IKZF3: variants seen among roughly 807,000 people sequenced by gnomAD.
IKZF3 encodes the protein zinc finger protein Aiolos.
In IKZF3, 10 loss-of-function variants were observed where a neutral mutation model predicts 49.0. The observed-to-expected ratio is 0.20, with a 90% CI of 0.13 to 0.35. The LOEUF (loss-of-function observed/expected upper bound fraction) is 0.35, where lower values mean the gene tolerates loss of function less well. Ranked by LOEUF, IKZF3 falls within the 10% of genes least tolerant of loss-of-function variation. The probability of loss-of-function intolerance (pLI) is 1.00; values close to 1 mark genes in which losing one functional copy is unlikely to be tolerated. For synonymous variants in IKZF3, 209 were observed against 228.2 expected (o/e 0.92, Z 0.76); for missense variants, 498 against 664.8 (o/e 0.75, Z 2.76).
intron 1 of IKZF3, among the ~76,000 whole-genome samples, chr17:39,834,087 G>C (rs952330886): frequency 1.3e-5 from 2 of 152,106 alleles, no homozygotes. Flanking sequence ...CAGGTATTTT[G>C]TAGAATGTCC....
intron 6 of IKZF3, among the ~76,000 whole-genome samples, chr17:39,779,185 G>A (rs1176400853): frequency 1.3e-5 from 2 of 152,218 alleles, no homozygotes. Context: ...AGAAGGCCAG[G>A]CACGGTGGCT....
At chr17:39,783,557 C>T (rs922698362) in intron 6 of IKZF3, among the ~76,000 whole-genome samples, 3 of 152,098 alleles carry the variant, frequency 2.0e-5, no homozygotes, top group East Asian at 1.9e-4. Context: ...CCTGACCTCG[C>T]GATCCGCCCA....
At chr17:39,839,220 A>C (rs1325832447) in intron 1 of IKZF3, 1 of 251,104 alleles carries the variant, frequency 4.0e-6, no homozygotes, top group Non-Finnish European at 7.6e-6. Context: ...GTCAACCAAC[A>C]CGTTCATAAG....
chr17:39,860,982 G>A (rs1040131360), intron 1 of IKZF3, among the ~76,000 whole-genome samples: 1 of 152,020 alleles, frequency 6.6e-6, no homozygotes, highest in Non-Finnish European at 1.5e-5. Context: ...AAAAATTACT[G>A]AGCTTTATCA....
intron 3 of IKZF3, among the ~76,000 whole-genome samples, chr17:39,800,208 T>G (rs767289546): frequency 1.5e-4 from 23 of 152,236 alleles, no homozygotes; most frequent in Non-Finnish European, 3.1e-4. Context: ...AATTCTAATC[T>G]TCTTATAATA....
At chr17:39,804,883 T>C (rs1158890546) in intron 3 of IKZF3, among the ~76,000 whole-genome samples, 1 of 152,214 alleles carries the variant, frequency 6.6e-6, no homozygotes, top group Non-Finnish European at 1.5e-5. Context: ...CTTGAAACTT[T>C]TGCCTTTTCA....
Position 39,759,588 on chromosome 17 carries a change from T to A in IKZF3, c.*6202A>T, listed in dbSNP as rs1423229861. ...CTCTCAGAAGTTTAAAGCCCACAAT[T>A]GTCCTTCAGGCTCTTCTGAGTCCAT... On this transcript the variant is annotated 3_prime_UTR_variant, in exon 8 of 8. Transcript: ENST00000346872. 1 of 152,222 alleles carries A rather than the reference T, an allele frequency of 6.6e-6. No individual in the cohort carries two copies. Among genetic ancestry groups the A allele is most frequent in the African/African-American group, 2.4e-5 (1 of 41,438 alleles). 9.4% of individuals were successfully genotyped at this position (152,222 alleles called of 1,614,324 possible).
chr17:39,776,945 G>A (rs1449399947), intron 7 of IKZF3, among the ~76,000 whole-genome samples: 1 of 152,180 alleles, frequency 6.6e-6, no homozygotes, highest in African/African-American at 2.4e-5. Context: ...AATTTCAGCT[G>A]TCTACTTCAC....
At chr17:39,845,356 TA>T (rs571656239) in intron 1 of IKZF3, among the ~76,000 whole-genome samples, 1 of 151,152 alleles carries the variant, frequency 6.6e-6, no homozygotes, top group South Asian at 2.1e-4. Flanking sequence ...CCCGTCTTTA[TA>T]AAAAAATACA....
chr17:39,859,007 C>T lies in IKZF3; in HGVS notation c.7+5113G>A, dbSNP rs1408785654. Among the ~76,000 whole-genome samples, 5 of 152,096 alleles carry T rather than the reference C, an allele frequency of 3.3e-5. No individual in the cohort carries two copies. In the South Asian group the frequency reaches 8.3e-4, roughly 25 times the overall value. On this transcript the variant is annotated intron_variant, in intron 1 of 7. Transcript: ENST00000346872. ...TTATTTTTTATGAAACAGGGCCTCA[C>T]CATGTTGCCCAGGCTGGTCTCAAAT...
Position 39,790,706 on chromosome 17 carries a change from C to T in IKZF3, c.592+710G>A, listed in dbSNP as rs563078626. On this transcript the variant is annotated intron_variant, in intron 5 of 7. Coordinates refer to ENST00000346872, the MANE Select transcript of IKZF3 (RefSeq NM_012481.5). ...GTCAAAATAAGGAGTAAAAACATCACGACAGCACATAACTTTTACAAATCT... is the reference window on the plus strand; with the variant it reads ...GTCAAAATAAGGAGTAAAAACATCATGACAGCACATAACTTTTACAAATCT... Among the ~76,000 whole-genome samples, 14 of 150,360 alleles carry T rather than the reference C, an allele frequency of 9.3e-5. 1 individual carries two copies. In the East Asian group the frequency reaches 2.1e-3, roughly 23 times the overall value.
intron 7 of IKZF3, among the ~76,000 whole-genome samples, chr17:39,770,578 CTTA>C (rs1196550830): frequency 6.6e-6 from 1 of 152,012 alleles, no homozygotes; most frequent in Non-Finnish European, 1.5e-5. Flanking sequence ...TAAAAGGGCC[CTTA>C]ACTGAGCAAG....
chr17:39,854,473 T>C (rs1322201201), intron 1 of IKZF3, among the ~76,000 whole-genome samples: 1 of 152,160 alleles, frequency 6.6e-6, no homozygotes. Context: ...CAATCCTAGA[T>C]AAATTTGAGT....
intron 3 of IKZF3, among the ~76,000 whole-genome samples, chr17:39,826,148 T>C (rs1009563393): frequency 2.6e-5 from 4 of 152,186 alleles, no homozygotes; most frequent in African/African-American, 9.7e-5. Context: ...GCTCAAACGA[T>C]CCTACCACCT....
rs2061070035 is a variant in IKZF3, at chr17:39,793,081, G to C, written c.164-148C>G. The C allele has an allele frequency of 3.9e-6, 3 of 774,820 alleles. No individual in the cohort carries two copies. The African/African-American group carries it at 5.2e-5, about 14-fold the overall frequency. 48.0% of individuals were successfully genotyped at this position (774,820 alleles called of 1,614,324 possible). A position where few individuals can be genotyped will look rare whatever the true frequency, so the allele number is the denominator to read the frequency against. On this transcript the variant is annotated intron_variant, in intron 3 of 7. Transcript: ENST00000346872. ...TCTACAAAACAAGAAAGCACCATTA[G>C]CGTGACCGCACGTTATTTAAATTCA...
At chr17:39,803,869 T>C (rs965667456) in intron 3 of IKZF3, among the ~76,000 whole-genome samples, 1 of 152,144 alleles carries the variant, frequency 6.6e-6, no homozygotes, top group African/African-American at 2.4e-5. Context: ...AAAATACAAT[T>C]CTTAGTAAAA....
intron 7 of IKZF3, among the ~76,000 whole-genome samples, chr17:39,775,893 C>T (rs2060570521): frequency 6.7e-6 from 1 of 149,984 alleles, no homozygotes; most frequent in South Asian, 2.1e-4. Flanking sequence ...CATTGCACCC[C>T]AGCCTGGGCG....
At chr17:39,830,128 T>C (rs774170818) in intron 2 of IKZF3, among the ~76,000 whole-genome samples, 1 of 152,236 alleles carries the variant, frequency 6.6e-6, no homozygotes, top group Non-Finnish European at 1.5e-5. Flanking sequence ...TTGCTATTTA[T>C]GACAAAGTAG....
At chr17:39,798,981 TTGTGTGTGTGTGTGCG>T in intron 3 of IKZF3, among the ~76,000 whole-genome samples, 1 of 103,306 alleles carries the variant, frequency 9.7e-6, no homozygotes, top group African/African-American at 3.7e-5. Context: ...GCTATACAGA[TTGTGTGTGTGTGTGCG>T]TGTGTGTGTG....
Sources: allele counts gnomAD v4.1 joint callset (sites outside exome capture counted in the v4.1 genomes callset), GRCh38; gene constraint gnomAD v4.1.1; transcripts MANE v1.5; gene names NCBI Gene and HGNC (gene_info 2026-07-23, HGNC 2026-07-21).